Variants in MGMT observed in about 807,000 individuals in gnomAD.
MGMT encodes O-6-methylguanine-DNA methyltransferase.
MGMT carries 14 observed loss-of-function variants against 15.9 expected under a neutral mutation model. The ratio of observed to expected loss-of-function variants is 0.88; its 90% CI spans 0.58 to 1.37. The LOEUF is 1.37. Ranked by LOEUF, MGMT falls within the 40% of genes most tolerant of loss-of-function variation. The pLI is 0.00. For missense variants in MGMT, 282 were observed against 268.1 expected, an observed-to-expected ratio of 1.05 and a Z score of -0.36; for synonymous variants, 130 against 118.2, an observed-to-expected ratio of 1.10 and a Z score of -0.65.
At position 129,533,047 on chromosome 10, in the gene MGMT, G is replaced by A. The variant is rs565423406; in HGVS notation, c.-12-3194G>A. 3.3e-4 allele frequency among the ~76,000 whole-genome samples: 50 copies of A among 152,368 alleles called. No individual in the cohort carries two copies. Among genetic ancestry groups the A allele is most frequent in the African/African-American group, 1.1e-3 (45 of 41,600 alleles). On this transcript the variant is annotated intron_variant, in intron 1 of 4. Transcript: ENST00000651593. The surrounding 1 kb of genome is among the most constrained non-coding windows in gnomAD (Gnocchi z 4.5). The stretch of plus-strand genomic sequence containing the variant: ...TCGAATCGGGAGCAGGTCCCACGGA[G>A]GCAGAGCAGCCGAGAATCAACGGTG...
At chr10:129,577,381 A>G (rs557971291) in intron 2 of MGMT, among the ~76,000 whole-genome samples, 4 of 152,328 alleles carry the variant, frequency 2.6e-5, no homozygotes, top group African/African-American at 7.2e-5. Context: ...AAATAATGCC[A>G]CATATCTACA....
intron 2 of MGMT, among the ~76,000 whole-genome samples, chr10:129,645,823 C>CA (rs1847382380): frequency 6.6e-6 from 1 of 152,150 alleles, no homozygotes; most frequent in African/African-American, 2.4e-5. Flanking sequence ...CTCCAGTGGG[C>CA]AAGTGGTGAA....
At chr10:129,651,955 G>A (rs1190797516) in intron 2 of MGMT, among the ~76,000 whole-genome samples, 1 of 149,662 alleles carries the variant, frequency 6.7e-6, no homozygotes, top group East Asian at 1.9e-4. Flanking sequence ...AACAGAGGCC[G>A]GTGGCGTGGT....
chr10:129,720,945 A>AGG, intron 3 of MGMT, among the ~76,000 whole-genome samples: 1 of 150,690 alleles, frequency 6.6e-6, no homozygotes, highest in Non-Finnish European at 1.5e-5. Flanking sequence ...TCAGGGGGAA[A>AGG]AAAAAAAAAG....
chr10:129,635,794 T>C (rs898304772), intron 2 of MGMT, among the ~76,000 whole-genome samples: 7 of 152,202 alleles, frequency 4.6e-5, no homozygotes, highest in Non-Finnish European at 1.0e-4. Flanking sequence ...CAAAGGACTC[T>C]CACAGTGTAA....
chr10:129,656,974 G>C (rs1847531502), intron 2 of MGMT, among the ~76,000 whole-genome samples: 1 of 152,124 alleles, frequency 6.6e-6, no homozygotes, highest in South Asian at 2.1e-4. Flanking sequence ...GCAGAAGGCA[G>C]CGAAAATAGT....
chr10:129,577,975 A>G (rs1422301195), intron 2 of MGMT, among the ~76,000 whole-genome samples: 1 of 152,232 alleles, frequency 6.6e-6, no homozygotes, highest in Non-Finnish European at 1.5e-5. Context: ...ACTCAAAACC[A>G]CAATGAGATG....
Position 129,715,778 on chromosome 10 carries a change from C to T in MGMT, c.274+7735C>T, listed in dbSNP as rs753527499. Among the ~76,000 whole-genome samples, 4 of 152,226 alleles carry T rather than the reference C, an allele frequency of 2.6e-5. No homozygotes were observed. In the South Asian group the frequency reaches 8.3e-4, roughly 31 times the overall value. On this transcript the variant is annotated intron_variant, in intron 3 of 4. Coordinates refer to ENST00000651593, the MANE Select transcript of MGMT (RefSeq NM_002412.5). ...AATTAATAGTGATAATGCTGAAAAA[C>T]TATTGCAGGAGCTGAAAGTGTAAGA... is the stretch of plus-strand genomic sequence containing the variant.
intron 2 of MGMT, among the ~76,000 whole-genome samples, chr10:129,553,832 T>C (rs541426603): frequency 6.6e-6 from 1 of 152,234 alleles, no homozygotes; most frequent in African/African-American, 2.4e-5. Context: ...TCTTTCTGTC[T>C]CCCGCTGGAA....
chr10:129,555,353 A>G (rs1193066441), intron 2 of MGMT, among the ~76,000 whole-genome samples: 2 of 152,190 alleles, frequency 1.3e-5, no homozygotes, highest in African/African-American at 2.4e-5. Context: ...AACAGGGACC[A>G]TGTCTATCTT....
At chr10:129,683,592 GT>G (rs1170811358) in intron 2 of MGMT, among the ~76,000 whole-genome samples, 1 of 152,164 alleles carries the variant, frequency 6.6e-6, no homozygotes, top group Admixed American at 6.5e-5. Flanking sequence ...CTTATTGACA[GT>G]AATATATTTT....
chr10:129,528,632 C>A (rs1047574675), intron 1 of MGMT, among the ~76,000 whole-genome samples: 3 of 150,628 alleles, frequency 2.0e-5, no homozygotes, highest in Admixed American at 1.3e-4. Context: ...AGAGACCTGC[C>A]GTGTGGAGAC....
intron 2 of MGMT, among the ~76,000 whole-genome samples, chr10:129,670,072 A>C (rs1847704837): frequency 6.6e-6 from 1 of 151,258 alleles, no homozygotes; most frequent in African/African-American, 2.4e-5. Flanking sequence ...ATCCAGCTTC[A>C]GTTTCTGACT....
chr10:129,679,987 T>C (rs955834804), intron 2 of MGMT, among the ~76,000 whole-genome samples: 1 of 152,174 alleles, frequency 6.6e-6, no homozygotes, highest in Non-Finnish European at 1.5e-5. Context: ...CCTAATCCCA[T>C]AGTTTAAGTG....
chr10:129,520,731 G>A (rs7086912), intron 1 of MGMT, among the ~76,000 whole-genome samples: 5,621 of 148,470 alleles, frequency 0.038, 150 homozygotes, highest in South Asian at 0.066. Context: ...CCTATGGTGC[G>A]GGTACAGAAC....
At chr10:129,628,407 G>C (rs952230774) in intron 2 of MGMT, among the ~76,000 whole-genome samples, 1 of 152,206 alleles carries the variant, frequency 6.6e-6, no homozygotes, top group African/African-American at 2.4e-5. Context: ...GCGTTTTGTG[G>C]AAGGTAGGGC....
chr10:129,643,436 A>T (rs1847350747), intron 2 of MGMT, among the ~76,000 whole-genome samples: 1 of 152,084 alleles, frequency 6.6e-6, no homozygotes, highest in Non-Finnish European at 1.5e-5. Context: ...ATCCAGGGGG[A>T]AGGTTCAAAG....
intron 2 of MGMT, among the ~76,000 whole-genome samples, chr10:129,613,238 A>T (rs1346135622): frequency 6.6e-6 from 1 of 152,222 alleles, no homozygotes. Flanking sequence ...TGCTATGCAG[A>T]ATAAAACCAA....
chr10:129,720,421 G>T (rs1020447741), intron 3 of MGMT, among the ~76,000 whole-genome samples: 1 of 152,190 alleles, frequency 6.6e-6, no homozygotes, highest in Non-Finnish European at 1.5e-5. Flanking sequence ...GGCCTTGGGG[G>T]CCCACAGGGT....
Sources: gnomAD v4.1 joint callset for allele counts (sites outside exome capture counted in the v4.1 genomes callset) on GRCh38, gnomAD v4.1.1 for gene constraint, Gnocchi (gnomAD v3.1) non-coding constraint, MANE v1.5 for transcripts, NCBI Gene and HGNC (gene_info 2026-07-23, HGNC 2026-07-21) for gene names.